SIRT5: variants seen among roughly 807,000 people sequenced by gnomAD.
SIRT5 encodes sirtuin 5.
Under a neutral mutation model 40.0 loss-of-function variants are expected in SIRT5, and 26 were observed. The ratio of observed to expected loss-of-function variants is 0.65; its 90% CI spans 0.48 to 0.90. SIRT5 has a LOEUF of 0.90. Ranked by LOEUF, SIRT5 falls within the 40% of genes least tolerant of loss-of-function variation. The probability of loss-of-function intolerance (pLI) is 0.00; values close to 1 mark genes in which losing one functional copy is unlikely to be tolerated. For synonymous variants in SIRT5, 146 were observed against 149.1 expected, an observed-to-expected ratio of 0.98 and a Z score of 0.15; for missense variants, 401 against 402.4, an observed-to-expected ratio of 1.00 and a Z score of 0.03.
At chr6:13,603,208 T>G (rs1253800025) in intron 9 of SIRT5, among the ~76,000 whole-genome samples, 4 of 132,366 alleles carry the variant, frequency 3.0e-5, no homozygotes, top group South Asian at 2.3e-4. Flanking sequence ...ACCCGGGAGG[T>G]GGAGCTTGCA....
chr6:13,590,729 G>A (rs1760762519), intron 4 of SIRT5, among the ~76,000 whole-genome samples: 1 of 151,766 alleles, frequency 6.6e-6, no homozygotes, highest in Non-Finnish European at 1.5e-5. Context: ...GTGTAGTTGT[G>A]TATGTAGTTG....
At chr6:13,598,222 TG>T (rs1277225201) in intron 7 of SIRT5, among the ~76,000 whole-genome samples, 1 of 151,934 alleles carries the variant, frequency 6.6e-6, no homozygotes, top group Non-Finnish European at 1.5e-5. Flanking sequence ...ATGAAAATGG[TG>T]TTTGGGGGAT....
In SIRT5 at chr6:13,600,855, T is replaced by G; in HGVS notation, c.763T>G (p.Tyr255Asp). ...GTAGGTGGGCACTTCCTCTGTGGTG[T>G]ACCCAGCAGCCATGTTTGCCCCCCA... ...CLVVGTSSVV[Y>D]PAAMFAPQVA... Residue 255 changes from tyrosine to aspartate, a missense_variant, in exon 9 of 10, where the codon TAC (tyrosine) becomes GAC (aspartate). Coordinates refer to ENST00000606117, the MANE Select transcript of SIRT5 (RefSeq NM_012241.5). The G allele has an allele frequency of 6.2e-7, 1 of 1,613,890 alleles. No individual in the cohort carries two copies. The highest frequency in any genetic ancestry group is 8.5e-7 in the Non-Finnish European group (1 of 1,179,900).
intron 3 of SIRT5, among the ~76,000 whole-genome samples, chr6:13,586,810 C>T (rs1760143497): frequency 3.3e-5 from 5 of 152,118 alleles, no homozygotes; most frequent in African/African-American, 4.8e-5. Context: ...AAGTTCCATC[C>T]CTGCTTAGAG....
At chr6:13,588,503 A>G in intron 4 of SIRT5, 39 bp downstream of exon 4, 1 of 1,597,896 alleles carries the variant, frequency 6.3e-7, no homozygotes, top group South Asian at 1.1e-5. Flanking sequence ...CCTCTGTCGA[A>G]TGAAACCATA....
chr6:13,576,542 A>G (rs1302943290), intron 1 of SIRT5, among the ~76,000 whole-genome samples: 1 of 152,038 alleles, frequency 6.6e-6, no homozygotes, highest in Non-Finnish European at 1.5e-5. Context: ...TGAGTTTCTT[A>G]TATATTTTAG....
intron 6 of SIRT5, among the ~76,000 whole-genome samples, chr6:13,595,834 C>A (rs1460221512): frequency 3.3e-5 from 5 of 151,702 alleles, no homozygotes; most frequent in African/African-American, 1.2e-4. Flanking sequence ...AAACAAAAAA[C>A]CACAAAAATT....
intron 5 of SIRT5, among the ~76,000 whole-genome samples, chr6:13,593,162 T>A (rs1761153562): frequency 6.6e-6 from 1 of 152,164 alleles, no homozygotes; most frequent in African/African-American, 2.4e-5. Flanking sequence ...TCCTCCCTCC[T>A]CAGCCTCCTA....
chr6:13,598,978 G>A (rs551625411), intron 7 of SIRT5, 54 bp from the exon 8 acceptor site: 84 of 1,598,736 alleles, frequency 5.3e-5, no homozygotes, highest in Non-Finnish European at 6.6e-5. Flanking sequence ...GCCTCCCTCC[G>A]ATCCAGCTGG....
rs1277572702 is a variant in SIRT5, at chr6:13,599,015, G to A, written c.618-17G>A. On this transcript the variant is annotated splice_polypyrimidine_tract_variant and intron_variant, in intron 7 of 9. Coordinates refer to ENST00000606117, the MANE Select transcript of SIRT5 (RefSeq NM_012241.5). ...CAGACTTGGCTCGGGGTTGGCTTAAGGATCCCATTCTTCCAGGTGTGAAGA... is the reference window on the plus strand; with the variant it reads ...CAGACTTGGCTCGGGGTTGGCTTAAAGATCCCATTCTTCCAGGTGTGAAGA... 1 of 1,613,070 alleles carries A rather than the reference G, an allele frequency of 6.2e-7. No homozygotes were observed. The highest frequency in any genetic ancestry group is 8.5e-7 in the Non-Finnish European group (1 of 1,179,576).
intron 9 of SIRT5, 98 bp from the exon 10 acceptor site, chr6:13,611,692 C>T (rs1233456959): frequency 1.1e-6 from 1 of 889,522 alleles, no homozygotes; most frequent in Non-Finnish European, 1.9e-6. Context: ...TTGGGTTTTA[C>T]TTCGGCTATT....
At chr6:13,584,295 G>C in intron 3 of SIRT5, 70 bp downstream of exon 3, 3 of 1,118,438 alleles carry the variant, frequency 2.7e-6, no homozygotes, top group African/African-American at 3.1e-5. Context: ...CACTTCGAGA[G>C]GAATGTCTCT....
At chr6:13,608,599 A>G (rs536448669) in intron 9 of SIRT5, among the ~76,000 whole-genome samples, 28 of 151,830 alleles carry the variant, frequency 1.8e-4, no homozygotes, top group East Asian at 9.6e-4. Flanking sequence ...AAAAAAAAAA[A>G]AGAGAGAGAG....
intron 4 of SIRT5, among the ~76,000 whole-genome samples, chr6:13,590,659 TTGTG>T (rs1407589130): frequency 1.3e-5 from 2 of 151,836 alleles, no homozygotes; most frequent in Non-Finnish European, 2.9e-5. Context: ...GTGTGTGCAG[TTGTG>T]TGTATGTAGA....
chr6:13,597,559 T>A (rs999587448), intron 7 of SIRT5, among the ~76,000 whole-genome samples: 2 of 151,926 alleles, frequency 1.3e-5, no homozygotes, highest in Non-Finnish European at 2.9e-5. Flanking sequence ...ATTTTATTTT[T>A]TTTTGAGATG....
At chr6:13,591,422 T>C (rs1385420116) in intron 4 of SIRT5, among the ~76,000 whole-genome samples, 1 of 152,238 alleles carries the variant, frequency 6.6e-6, no homozygotes, top group African/African-American at 2.4e-5. Flanking sequence ...GCATCATCCC[T>C]GTTTTGTCAC....
rs6458978 is a variant in SIRT5 at position 13,611,248 on chromosome 6, T to C, written c.858-542T>C. ...ATATATATATATATACACACACACA[T>C]ACACACACACATATATATACACACA... On this transcript the variant is annotated intron_variant, in intron 9 of 9. Transcript: ENST00000606117. Among the ~76,000 whole-genome samples, 157 of 121,386 alleles carry C rather than the reference T, an allele frequency of 1.3e-3. 2 individuals carry two copies. The highest frequency in any genetic ancestry group is 2.3e-3 in the Admixed American group (26 of 11,488). The allele number at this position is 121,386 out of a possible 152,430, so 79.6% of individuals were successfully genotyped here. A position where few individuals can be genotyped will look rare whatever the true frequency, so the allele number is the denominator to read the frequency against.
intron 3 of SIRT5, 41 bp downstream of exon 3, chr6:13,584,266 G>A: frequency 7.2e-7 from 1 of 1,396,788 alleles, no homozygotes; most frequent in Non-Finnish European, 1.0e-6. Context: ...AGCCAAATGT[G>A]AAGTACCTGA....
intron 8 of SIRT5, among the ~76,000 whole-genome samples, chr6:13,600,077 T>C (rs937325062): frequency 2.8e-4 from 43 of 152,240 alleles, no homozygotes; most frequent in African/African-American, 9.6e-4. Flanking sequence ...ATCAATGATA[T>C]CGTGAATATC....
Sources: allele counts gnomAD v4.1 joint callset (sites outside exome capture counted in the v4.1 genomes callset), GRCh38; gene constraint gnomAD v4.1.1; transcripts MANE v1.5; gene names NCBI Gene and HGNC (gene_info 2026-07-23, HGNC 2026-07-21).